CCDC169: variants seen among roughly 807,000 people sequenced by gnomAD.
CCDC169 encodes the protein coiled-coil domain containing 169, also known as coiled-coil domain-containing protein 169.
In CCDC169, 30 loss-of-function variants were observed where a neutral mutation model predicts 36.0. The observed-to-expected ratio is 0.83, with a 90% CI of 0.62 to 1.13. The LOEUF (loss-of-function observed/expected upper bound fraction) is 1.13, where lower values mean the gene tolerates loss of function less well. CCDC169 is among the 50% of genes most tolerant of loss of function. The pLI is 0.00. For synonymous variants in CCDC169, 85 were observed against 81.5 expected (o/e 1.04, Z -0.23); for missense variants, 245 against 245.9 (o/e 1.00, Z 0.03).
chr13:36,243,586 C>G (rs970996728), intron 7 of CCDC169, among the ~76,000 whole-genome samples: 10 of 152,070 alleles, frequency 6.6e-5, no homozygotes, highest in African/African-American at 2.4e-4. Flanking sequence ...GCAGGCGGAT[C>G]ACCTGAGGTC....
intron 6 of CCDC169, among the ~76,000 whole-genome samples, chr13:36,251,773 A>G (rs969784636): frequency 6.6e-6 from 1 of 152,156 alleles, no homozygotes; most frequent in Non-Finnish European, 1.5e-5. Context: ...TATATCAGCA[A>G]TAAGGGACCA....
At chr13:36,257,832 T>C (rs1367876091) in intron 4 of CCDC169, among the ~76,000 whole-genome samples, 1 of 151,804 alleles carries the variant, frequency 6.6e-6, no homozygotes, top group Non-Finnish European at 1.5e-5. Context: ...GGCTCAGTCA[T>C]TGTCTTATTT....
At chr13:36,274,334 C>T (rs1053844783) in intron 4 of CCDC169, 1 of 152,152 alleles carries the variant, frequency 6.6e-6, no homozygotes, top group Non-Finnish European at 1.5e-5. Flanking sequence ...AATTGTACTA[C>T]AATAACTTTA....
intron 4 of CCDC169, among the ~76,000 whole-genome samples, chr13:36,262,709 T>G (rs1874750676): frequency 6.6e-6 from 1 of 152,186 alleles, no homozygotes; most frequent in Non-Finnish European, 1.5e-5. Context: ...AAGTATGTTC[T>G]GGGCTCTGCT....
chr13:36,250,180 T>C (rs997891467), intron 6 of CCDC169, among the ~76,000 whole-genome samples: 1 of 152,114 alleles, frequency 6.6e-6, no homozygotes, highest in African/African-American at 2.4e-5. Context: ...GAGCAGCCAA[T>C]TAAGAACTAA....
intron 4 of CCDC169, among the ~76,000 whole-genome samples, chr13:36,260,496 A>C (rs984758825): frequency 2.0e-5 from 3 of 152,234 alleles, no homozygotes; most frequent in African/African-American, 7.2e-5. Flanking sequence ...ATATATATAC[A>C]TGATTATAAA....
In CCDC169 at chr13:36,295,363, C is replaced by T. The variant is rs575712663; in HGVS notation, c.163+415G>A. On this transcript the variant is annotated intron_variant, in intron 2 of 7. Transcript: ENST00000239859. ...ATATGAGTGTGTAGGTACACAGCAT[C>T]CTCCACACCAAACACACATTCTTCC... 1.1e-4 allele frequency among the ~76,000 whole-genome samples: 16 copies of T among 152,264 alleles called. No individual in the cohort carries two copies. The East Asian group carries it at 3.1e-3, about 29-fold the overall frequency.
At chr13:36,274,502 A>G (rs1876515980) in intron 4 of CCDC169, 1 of 152,190 alleles carries the variant, frequency 6.6e-6, no homozygotes, top group Admixed American at 6.5e-5. Flanking sequence ...ATATAAATCA[A>G]TGGTAATATA....
intron 4 of CCDC169, among the ~76,000 whole-genome samples, chr13:36,272,079 C>T (rs200198571): frequency 2.9e-5 from 4 of 139,596 alleles, no homozygotes; most frequent in East Asian, 4.1e-4. Context: ...AGTGAGGCTC[C>T]GTCTCAAAAA....
chr13:36,281,139 T>G (rs1877478830), intron 4 of CCDC169: 1 of 365,048 alleles, frequency 2.7e-6, no homozygotes, highest in Non-Finnish European at 5.3e-6. Context: ...GCAGCCATCT[T>G]TAAACACGAG....
chr13:36,227,429 C>A, downstream of CCDC169: 2 of 1,448,620 alleles, frequency 1.4e-6, no homozygotes, highest in South Asian at 1.5e-5. Context: ...AGCGAAGGTA[C>A]AAATATGCTA....
At chr13:36,253,930 G>C in intron 5 of CCDC169, 74 bp from the exon 6 acceptor site, 1 of 1,539,082 alleles carries the variant, frequency 6.5e-7, no homozygotes, top group Non-Finnish European at 8.8e-7. Flanking sequence ...AAGTTAAGGT[G>C]TATGTCTCTA....
intron 4 of CCDC169, among the ~76,000 whole-genome samples, chr13:36,270,210 T>TAAC (rs71084415): frequency 0.25 from 38,619 of 151,830 alleles, 5,173 homozygotes; most frequent in East Asian, 0.49. Context: ...GGAATATACT[T>TAAC]AAAGCAGGTG....
intron 4 of CCDC169, among the ~76,000 whole-genome samples, chr13:36,260,704 A>T (rs556852842): frequency 1.3e-5 from 2 of 152,270 alleles, no homozygotes; most frequent in Admixed American, 1.3e-4. Flanking sequence ...TTTAGTGCCT[A>T]TTCTACCACT....
intron 2 of CCDC169, among the ~76,000 whole-genome samples, chr13:36,290,946 C>T (rs1878801021): frequency 6.6e-6 from 1 of 151,056 alleles, no homozygotes; most frequent in Non-Finnish European, 1.5e-5. Flanking sequence ...ATGGATACCA[C>T]CTCTGCATAC....
intron 4 of CCDC169, among the ~76,000 whole-genome samples, chr13:36,281,506 C>T (rs1201465086): frequency 2.0e-5 from 3 of 152,108 alleles, no homozygotes. Flanking sequence ...TAAAGCTTCA[C>T]TCTCACTTAT....
chr13:36,296,710 T>C (rs1216344233), intron 1 of CCDC169, among the ~76,000 whole-genome samples: 2 of 152,198 alleles, frequency 1.3e-5, no homozygotes, highest in African/African-American at 2.4e-5. Flanking sequence ...AAAATAGCAA[T>C]AGCGGCAGCA....
chr13:36,224,138 G>C (rs1483143268), downstream of CCDC169: 1 of 151,968 alleles, frequency 6.6e-6, no homozygotes, highest in East Asian at 1.9e-4. Context: ...AAAAAAATTG[G>C]ATTATTTAAA....
chr13:36,268,241 A>C (rs1404249720), intron 4 of CCDC169, among the ~76,000 whole-genome samples: 11 of 152,320 alleles, frequency 7.2e-5, no homozygotes, highest in Non-Finnish European at 1.5e-5. Flanking sequence ...AATCTCAATA[A>C]ATTTTTTAAA....
Sources: allele counts gnomAD v4.1 joint callset (sites outside exome capture counted in the v4.1 genomes callset), GRCh38; gene constraint gnomAD v4.1.1; transcripts MANE v1.5; gene names NCBI Gene and HGNC (gene_info 2026-07-23, HGNC 2026-07-21).